Variants in OPCML observed in about 807,000 individuals in gnomAD.
OPCML encodes opioid binding protein/cell adhesion molecule like.
A neutral mutation model predicts 37.8 loss-of-function variants in OPCML; 13 were observed. The ratio of observed to expected loss-of-function variants is 0.34; its 90% CI spans 0.22 to 0.55. The LOEUF (loss-of-function observed/expected upper bound fraction) is 0.55. Among genes scored for constraint, OPCML ranks in the 20% least tolerant of loss-of-function variants. The probability of loss-of-function intolerance (pLI) is 0.91; values close to 1 mark genes in which losing one functional copy is unlikely to be tolerated. For missense variants in OPCML, 341 were observed against 435.6 expected (o/e 0.78, Z 1.93); for synonymous variants, 176 against 168.8 (o/e 1.04, Z -0.33).
intron 2 of OPCML, among the ~76,000 whole-genome samples, chr11:132,744,684 G>A (rs1363068639): frequency 6.6e-6 from 1 of 152,212 alleles, no homozygotes; most frequent in Non-Finnish European, 1.5e-5. Context: ...CCATACGTGA[G>A]ACTCCACTAG....
intron 1 of OPCML, among the ~76,000 whole-genome samples, chr11:133,248,870 G>A (rs1941037488): frequency 6.6e-6 from 1 of 152,140 alleles, no homozygotes; most frequent in African/African-American, 2.4e-5. Flanking sequence ...CAAGAGAGTG[G>A]ACTACTGAGG....
chr11:132,747,217 G>GA (rs1212825541), intron 2 of OPCML, among the ~76,000 whole-genome samples: 1 of 152,158 alleles, frequency 6.6e-6, no homozygotes. Flanking sequence ...TGGCATTCAG[G>GA]AAAAATCAAT....
chr11:133,091,783 T>G (rs984474704), intron 1 of OPCML, among the ~76,000 whole-genome samples: 1 of 152,228 alleles, frequency 6.6e-6, no homozygotes, highest in African/African-American at 2.4e-5. Flanking sequence ...ACTTGTACCT[T>G]GAGTCTCACC....
chr11:133,407,171 G>T (rs982746039), intron 1 of OPCML, among the ~76,000 whole-genome samples: 3 of 152,134 alleles, frequency 2.0e-5, no homozygotes, highest in Non-Finnish European at 4.4e-5. Flanking sequence ...GGCTAAAACT[G>T]AGAATAATCC....
At chr11:132,791,181 G>A (rs115291872) in intron 2 of OPCML, among the ~76,000 whole-genome samples, 1,719 of 152,244 alleles carry the variant, frequency 0.011, 30 homozygotes, top group African/African-American at 0.038. Flanking sequence ...TCAGCTAGAC[G>A]AACTCGTCCA....
At chr11:133,461,173 G>C (rs1038806470) in intron 1 of OPCML, among the ~76,000 whole-genome samples, 5 of 151,922 alleles carry the variant, frequency 3.3e-5, no homozygotes, top group African/African-American at 1.2e-4. Flanking sequence ...AACAAGACAA[G>C]GATTCCTACT....
intron 1 of OPCML, among the ~76,000 whole-genome samples, chr11:133,000,287 A>G (rs562107630): frequency 6.6e-6 from 1 of 151,940 alleles, no homozygotes; most frequent in African/African-American, 2.4e-5. Flanking sequence ...GAGTTTTTGT[A>G]TTTTTAATAG....
chr11:132,916,163 C>G (rs904835190), intron 2 of OPCML, among the ~76,000 whole-genome samples: 4 of 151,976 alleles, frequency 2.6e-5, no homozygotes, highest in Non-Finnish European at 4.4e-5. Flanking sequence ...GTAGTTTTAC[C>G]CATTTCTAAT....
At chr11:132,435,576 C>T (rs907006493) in intron 7 of OPCML, among the ~76,000 whole-genome samples, 1 of 151,310 alleles carries the variant, frequency 6.6e-6, no homozygotes, top group Non-Finnish European at 1.5e-5. Flanking sequence ...AGGGAAAGAT[C>T]TTCAGAGAGG....
At chr11:132,637,620 T>C (rs1442903063) in intron 3 of OPCML, among the ~76,000 whole-genome samples, 2 of 152,186 alleles carry the variant, frequency 1.3e-5, no homozygotes, top group East Asian at 3.9e-4. Context: ...TTGCTTGGAC[T>C]TTTGATTATG....
intron 3 of OPCML, among the ~76,000 whole-genome samples, chr11:132,642,181 C>A (rs1268842660): frequency 6.6e-6 from 1 of 152,096 alleles, no homozygotes; most frequent in Non-Finnish European, 1.5e-5. Context: ...ATGGAAGGCT[C>A]TTAAGGAAAG....
At chr11:133,519,315 T>G in intron 1 of OPCML, among the ~76,000 whole-genome samples, 1 of 152,206 alleles carries the variant, frequency 6.6e-6, no homozygotes, top group East Asian at 1.9e-4. Flanking sequence ...TCTGAAAGCA[T>G]AATTAACATA....
chr11:133,140,642 G>T (rs1411592506), intron 1 of OPCML, among the ~76,000 whole-genome samples: 1 of 139,600 alleles, frequency 7.2e-6, no homozygotes, highest in African/African-American at 2.8e-5. Context: ...AGGAAGAGGA[G>T]GAAGAGGAAG....
At position 133,243,809 on chromosome 11, in the gene OPCML, C is replaced by T. The variant is rs773366483; in HGVS notation, c.61+288455G>A. On this transcript the variant is annotated intron_variant, in intron 1 of 7. Coordinates refer to ENST00000524381, the MANE Select transcript of OPCML (RefSeq NM_001012393.5). ...CTTATTTGCGAAATAAAGGACAGCA[C>T]AGTCGGAAAAGCAACTGCTGCAAGC... is the stretch of plus-strand genomic sequence containing the variant. Among the ~76,000 whole-genome samples, 43 of 152,218 alleles carry T rather than the reference C, an allele frequency of 2.8e-4. 1 individual carries two copies. Among genetic ancestry groups the T allele is most frequent in the Non-Finnish European group, 4.7e-4 (32 of 68,046 alleles).
chr11:133,109,369 T>TA (rs1433207492), intron 1 of OPCML, among the ~76,000 whole-genome samples: 3 of 152,166 alleles, frequency 2.0e-5, no homozygotes, highest in Admixed American at 2.0e-4. Flanking sequence ...GGTCGGCTTT[T>TA]ATTCCCTTAC....
At chr11:132,848,406 A>G (rs1287415442) in intron 2 of OPCML, among the ~76,000 whole-genome samples, 2 of 152,236 alleles carry the variant, frequency 1.3e-5, no homozygotes, top group African/African-American at 2.4e-5. Context: ...AAAATAGTCA[A>G]GTCAACCTTA....
chr11:133,056,844 T>C (rs1404000488), intron 1 of OPCML, among the ~76,000 whole-genome samples: 1 of 152,176 alleles, frequency 6.6e-6, no homozygotes, highest in African/African-American at 2.4e-5. Flanking sequence ...TACTTATTTA[T>C]TTAATTTATT....
At chr11:133,197,106 A>G (rs1219673216) in intron 1 of OPCML, among the ~76,000 whole-genome samples, 1 of 152,234 alleles carries the variant, frequency 6.6e-6, no homozygotes, top group Non-Finnish European at 1.5e-5. Context: ...AGTGGAAGAT[A>G]GAATCTATTG....
At position 132,919,254 on chromosome 11, in the gene OPCML, C is replaced by G. The variant is rs373940064; in HGVS notation, c.146+23672G>C. Among the ~76,000 whole-genome samples the G allele has an allele frequency of 1.6e-3, 250 of 152,264 alleles. 1 individual carries two copies. The highest frequency in any genetic ancestry group is 5.8e-3 in the African/African-American group (240 of 41,546). On this transcript the variant is annotated intron_variant, in intron 2 of 7. Coordinates refer to ENST00000524381, the MANE Select transcript of OPCML (RefSeq NM_001012393.5). ...AGGACGCAGACCAACAAGGTAAAGG[C>G]ATGTTCTAAGACAGTGGTTCTCAGA... is the stretch of plus-strand genomic sequence containing the variant.
Sources: allele counts gnomAD v4.1 joint callset (sites outside exome capture counted in the v4.1 genomes callset), GRCh38; gene constraint gnomAD v4.1.1; transcripts MANE v1.5; gene names NCBI Gene and HGNC (gene_info 2026-07-23, HGNC 2026-07-21).